Variants in TBX10 observed in about 807,000 individuals in gnomAD.
The protein encoded by TBX10 is T-box transcription factor 10.
TBX10 carries 26 observed loss-of-function variants against 32.4 expected under a neutral mutation model. The ratio of observed to expected loss-of-function variants is 0.80; its 90% confidence interval spans 0.59 to 1.11. The LOEUF is 1.11. Among genes scored for constraint, TBX10 ranks in the 50% most tolerant of loss-of-function variants. TBX10 has a pLI of 0.00. For synonymous variants in TBX10, 195 were observed against 203.1 expected (o/e 0.96, Z 0.34); for missense variants, 490 against 494.5 (o/e 0.99, Z 0.09).
chr11:67,638,486 T>G (rs1174085746), intron 1 of TBX10, among the ~76,000 whole-genome samples: 3 of 152,132 alleles, frequency 2.0e-5, no homozygotes, highest in African/African-American at 7.2e-5. Context: ...ATGGGATGCC[T>G]GGAGCAGAGG....
At chr11:67,636,916 T>G (rs1421648057) in intron 1 of TBX10, among the ~76,000 whole-genome samples, 2 of 152,198 alleles carry the variant, frequency 1.3e-5, no homozygotes, top group Non-Finnish European at 2.9e-5. Flanking sequence ...TCACAATAGC[T>G]GAGAAGTGGA....
At chr11:67,635,361 C>T (rs981522168) in intron 1 of TBX10, 98 bp from the exon 2 acceptor site, 49 of 1,539,838 alleles carry the variant, frequency 3.2e-5, no homozygotes, top group Non-Finnish European at 4.2e-5. Flanking sequence ...GGAAGCCCTC[C>T]CTGACTGCCA....
At chr11:67,632,503 A>G in intron 6 of TBX10, 91 bp from the exon 7 acceptor site, 1 of 1,583,018 alleles carries the variant, frequency 6.3e-7, no homozygotes, top group African/African-American at 1.3e-5. Flanking sequence ...GGGCCCCAGG[A>G]TGGGTCAGAG....
Position 67,631,450 on chromosome 11 carries a change from G to T in TBX10, c.*155C>A. The stretch of plus-strand genomic sequence containing the variant: ...CCAAGCTTGCCATGGTCCCAGCCTT[G>T]CTGTGACCCTGGGCAGGTAGCCTCT... On this transcript the variant is annotated 3_prime_UTR_variant, in exon 8 of 8. Coordinates refer to ENST00000335385, the MANE Select transcript of TBX10 (RefSeq NM_005995.5). 1 of 961,358 alleles carries T rather than the reference G, an allele frequency of 1.0e-6. No individual in the cohort carries two copies. Among genetic ancestry groups the T allele is most frequent in the South Asian group, 1.6e-5 (1 of 63,298 alleles). 59.6% of individuals were successfully genotyped at this position (961,358 alleles called of 1,614,324 possible). A position where few individuals can be genotyped will look rare whatever the true frequency, so the allele number is the denominator to read the frequency against.
At chr11:67,635,300 C>G in intron 1 of TBX10, 37 bp from the exon 2 acceptor site, 10 of 1,611,916 alleles carry the variant, frequency 6.2e-6, no homozygotes, top group Non-Finnish European at 8.5e-6. Flanking sequence ...CCCCACGCAT[C>G]ACCCAGCCAG....
chr11:67,639,907 G>A (rs2514028), upstream of TBX10, among the ~76,000 whole-genome samples: 2,137 of 152,276 alleles, frequency 0.014, 35 homozygotes, highest in East Asian at 0.06. Context: ...GGGCCCAGGC[G>A]TGGCAGGGGT....
rs182068227 is a variant in TBX10, at chr11:67,634,181, G to A, written c.549+8C>T. ...GCCCTTCCGTCCCCACCGTGGCCCCGGCCTCACGTGGCCATTGTCATCCAG... is the reference window on the plus strand; with the variant it reads ...GCCCTTCCGTCCCCACCGTGGCCCCAGCCTCACGTGGCCATTGTCATCCAG... On this transcript the variant is annotated splice_region_variant and intron_variant, in intron 4 of 7. Coordinates refer to ENST00000335385, the MANE Select transcript of TBX10 (RefSeq NM_005995.5). 81 of 1,612,198 alleles carry A rather than the reference G, an allele frequency of 5.0e-5. No homozygotes were observed. The African/African-American group carries it at 6.0e-4, about 12-fold the overall frequency.
Position 67,639,637 on chromosome 11 carries a change from G to A in TBX10, c.-165C>T, listed in dbSNP as rs1032789361. Reference sequence around the variant, plus strand: ...TCGGCAGGACGGTCCTTGCCTCCTCGATCGCCCTTCGTCCACGTCCTGAGG... The same window carrying A: ...TCGGCAGGACGGTCCTTGCCTCCTCAATCGCCCTTCGTCCACGTCCTGAGG... On this transcript the variant is annotated 5_prime_UTR_variant, in exon 1 of 8. Transcript: ENST00000335385. 5 of 897,278 alleles carry A rather than the reference G, an allele frequency of 5.6e-6. No individual in the cohort carries two copies. Among genetic ancestry groups the A allele is most frequent in the East Asian group, 2.6e-5 (1 of 37,774 alleles). 55.6% of individuals were successfully genotyped at this position (897,278 alleles called of 1,614,324 possible).
chr11:67,639,893 C>T (rs959904324), upstream of TBX10, among the ~76,000 whole-genome samples: 3 of 152,168 alleles, frequency 2.0e-5, no homozygotes, highest in Admixed American at 6.5e-5. Context: ...CATTCCTGAT[C>T]GATGGGCCCA....
At chr11:67,632,455 GA>G in intron 6 of TBX10, 43 bp from the exon 7 acceptor site, 5 of 1,601,156 alleles carry the variant, frequency 3.1e-6, no homozygotes, top group Non-Finnish European at 4.3e-6. Context: ...TCAAGGGGAA[GA>G]ACCCAGGCCA....
At chr11:67,640,434 C>T (rs763502519), upstream of TBX10, among the ~76,000 whole-genome samples, 2 of 152,252 alleles carry the variant, frequency 1.3e-5, no homozygotes, top group Non-Finnish European at 2.9e-5. Flanking sequence ...GAATCCCCAT[C>T]TGGACATGAG....
Position 67,631,749 on chromosome 11 carries a change from T to C in TBX10, c.1014A>G (p.Leu338=). ...QSLYSGAPSH[L]GIPRTRPAPY... ...GTGCTGGTCGGGTCCTTGGGATCCC[T>C]AGGTGGCTCGGGGCTCCAGAGTACA... The change falls in exon 8 of 8, where the codon CTA becomes CTG. Residue 338 remains leucine (L), a synonymous_variant. Transcript: ENST00000335385. 1 of 1,609,890 alleles carries C rather than the reference T, an allele frequency of 6.2e-7. No homozygotes were observed. Among genetic ancestry groups the C allele is most frequent in the Non-Finnish European group, 8.5e-7 (1 of 1,178,536 alleles).
chr11:67,634,410 T>G, intron 3 of TBX10, 50 bp from the exon 4 acceptor site: 1 of 1,594,282 alleles, frequency 6.3e-7, no homozygotes, highest in Non-Finnish European at 8.5e-7. Context: ...GAGTCACGCC[T>G]GAACAATACA....
intron 4 of TBX10, among the ~76,000 whole-genome samples, chr11:67,633,644 C>A (rs1855274566): frequency 6.6e-6 from 1 of 152,254 alleles, no homozygotes; most frequent in Non-Finnish European, 1.5e-5. Context: ...GGCCTTTGCA[C>A]CTACTGTCCC....
upstream of TBX10, among the ~76,000 whole-genome samples, chr11:67,641,195 A>G (rs186928067): frequency 3.4e-4 from 51 of 151,766 alleles, 1 homozygote; most frequent in African/African-American, 1.2e-3. Flanking sequence ...CGAGACACCC[A>G]GGGGAGGGCC....
rs369297491 is a variant in TBX10, at chr11:67,634,354, G to A, written c.384C>T (p.Ala128=). The part of the protein sequence containing the change: ...IPLDDKRYRY[A]FHSSAWLVAG... ...CCACCAGCCAGGCCGAGCTGTGGAA[G>A]GCATACCTGGGGAGCACAGCGAGGT... is the stretch of plus-strand genomic sequence containing the variant. The change falls in exon 4 of 8, where the codon GCC becomes GCT. Residue 128 remains alanine, a synonymous_variant. Transcript: ENST00000335385. 1.6e-5 allele frequency: 25 copies of A among 1,602,682 alleles called. No individual in the cohort carries two copies. The East Asian group carries it at 2.5e-4, about 16-fold the overall frequency.
Position 67,631,557 on chromosome 11 carries a change from C to T in TBX10, c.*48G>A. On this transcript the variant is annotated 3_prime_UTR_variant, in exon 8 of 8. Coordinates refer to ENST00000335385, the MANE Select transcript of TBX10 (RefSeq NM_005995.5). Reference sequence around the variant, plus strand: ...GCGGGGCAGAGGCTGATTCCCACACCCGGTGTAAGGTCCAGGGTAGCAGGG... The same window carrying T: ...GCGGGGCAGAGGCTGATTCCCACACTCGGTGTAAGGTCCAGGGTAGCAGGG... 1 of 1,559,682 alleles carries T rather than the reference C, an allele frequency of 6.4e-7. No homozygotes were observed. Among genetic ancestry groups the T allele is most frequent in the Non-Finnish European group, 8.6e-7 (1 of 1,160,330 alleles).
In TBX10 at chr11:67,639,516, C is replaced by T. The variant is rs760822892; in HGVS notation, c.-44G>A. 1 of 1,611,178 alleles carries T rather than the reference C, an allele frequency of 6.2e-7. No homozygotes were observed. The highest frequency in any genetic ancestry group is 1.1e-5 in the South Asian group (1 of 90,880). On this transcript the variant is annotated 5_prime_UTR_variant, in exon 1 of 8. Coordinates refer to ENST00000335385, the MANE Select transcript of TBX10 (RefSeq NM_005995.5). ...CGGCTCCTGGAGAAACACTGCTTGGCTGGGGCTGGGAACCTGCCTGCTGGA... is the reference window on the plus strand; with the variant it reads ...CGGCTCCTGGAGAAACACTGCTTGGTTGGGGCTGGGAACCTGCCTGCTGGA...
upstream of TBX10, among the ~76,000 whole-genome samples, chr11:67,641,726 C>G (rs999942234): frequency 6.6e-6 from 1 of 152,194 alleles, no homozygotes; most frequent in Non-Finnish European, 1.5e-5. Context: ...CAGGCAGGTG[C>G]GGGCAGTGAG....
Sources: gnomAD v4.1 joint callset for allele counts (sites outside exome capture counted in the v4.1 genomes callset) on GRCh38, gnomAD v4.1.1 for gene constraint, MANE v1.5 for transcripts, NCBI Gene and HGNC (gene_info 2026-07-23, HGNC 2026-07-21) for gene names.